HACE1: variants seen among roughly 807,000 people sequenced by gnomAD.
HACE1 encodes the protein HECT domain and ankyrin repeat containing E3 ubiquitin protein ligase 1.
A neutral mutation model predicts 118.4 loss-of-function variants in HACE1; 73 were observed. The ratio of observed to expected loss-of-function variants is 0.62; its 90% CI spans 0.51 to 0.75. The LOEUF is 0.75. HACE1 is among the 30% of genes least tolerant of loss of function. The probability of loss-of-function intolerance (pLI) is 0.00; values close to 1 mark genes in which losing one functional copy is unlikely to be tolerated. For synonymous variants in HACE1, 368 were observed against 374.8 expected (o/e 0.98, Z 0.21); for missense variants, 749 against 1,102.2 (o/e 0.68, Z 4.54).
intron 1 of HACE1, among the ~76,000 whole-genome samples, chr6:104,857,342 A>G (rs1053976379): frequency 6.6e-6 from 1 of 151,654 alleles, no homozygotes; most frequent in African/African-American, 2.4e-5. Context: ...AGAAAAGCAA[A>G]TGCAAACGAT....
chr6:104,797,136 A>C, intron 7 of HACE1, 111 bp from the exon 8 acceptor site: 1 of 709,532 alleles, frequency 1.4e-6, no homozygotes, highest in South Asian at 1.6e-5. Context: ...AAAAATTAAG[A>C]CAAGAGAATA....
intron 17 of HACE1, among the ~76,000 whole-genome samples, chr6:104,774,183 G>A (rs1355043425): frequency 4.6e-5 from 5 of 107,834 alleles, no homozygotes; most frequent in Admixed American, 2.0e-4. Flanking sequence ...TCCGCCTCCC[G>A]GGTTCACGCC....
At chr6:104,787,180 G>C (rs1582468595) in intron 11 of HACE1, 2 of 152,216 alleles carry the variant, frequency 1.3e-5, no homozygotes, top group East Asian at 3.9e-4. Context: ...CAAAAACCTA[G>C]TTCACTCACT....
chr6:104,765,238 G>C (rs1779859189), intron 19 of HACE1, among the ~76,000 whole-genome samples: 1 of 152,146 alleles, frequency 6.6e-6, no homozygotes, highest in African/African-American at 2.4e-5. Flanking sequence ...ACAAGCCACT[G>C]GTATAAAATA....
intron 5 of HACE1, among the ~76,000 whole-genome samples, chr6:104,842,524 C>A (rs1388479367): frequency 6.6e-6 from 1 of 151,966 alleles, no homozygotes; most frequent in Non-Finnish European, 1.5e-5. Flanking sequence ...CCCTCTGTTA[C>A]CTTTTTTATT....
chr6:104,857,278 G>A (rs1776820930), intron 1 of HACE1, among the ~76,000 whole-genome samples: 2 of 150,638 alleles, frequency 1.3e-5, no homozygotes, highest in African/African-American at 4.9e-5. Context: ...ACTCATCAGA[G>A]CTTAGAGACA....
intron 7 of HACE1, among the ~76,000 whole-genome samples, chr6:104,810,221 T>C (rs939926558): frequency 6.6e-6 from 1 of 152,056 alleles, no homozygotes; most frequent in East Asian, 1.9e-4. Flanking sequence ...ATAAATATAA[T>C]GCAAGAAAAT....
chr6:104,798,110 A>T (rs891157591), intron 7 of HACE1, among the ~76,000 whole-genome samples: 1 of 151,918 alleles, frequency 6.6e-6, no homozygotes, highest in Non-Finnish European at 1.5e-5. Flanking sequence ...AGAGAAGAAA[A>T]GAAATGCCCA....
chr6:104,794,924 A>G (rs538008815), intron 10 of HACE1, among the ~76,000 whole-genome samples: 7 of 151,130 alleles, frequency 4.6e-5, no homozygotes, highest in African/African-American at 7.3e-5. Flanking sequence ...AATTGTATAT[A>G]TGTGTGTGTG....
intron 6 of HACE1, among the ~76,000 whole-genome samples, chr6:104,813,150 G>A (rs1457901514): frequency 7.2e-6 from 1 of 138,296 alleles, no homozygotes; most frequent in East Asian, 2.2e-4. Context: ...ACTTGCATCA[G>A]AAAAGAATCT....
intron 22 of HACE1, among the ~76,000 whole-genome samples, chr6:104,738,102 A>T (rs1486022710): frequency 6.6e-6 from 1 of 151,762 alleles, no homozygotes; most frequent in Non-Finnish European, 1.5e-5. Flanking sequence ...CCTGCAGCTG[A>T]GGGTCCTGTC....
At chr6:104,821,554 CCAGA>C (rs935176138) in intron 6 of HACE1, among the ~76,000 whole-genome samples, 2 of 151,874 alleles carry the variant, frequency 1.3e-5, no homozygotes, top group East Asian at 1.9e-4. Context: ...TAATATGTAC[CCAGA>C]CAGTGTGCTA....
intron 22 of HACE1, among the ~76,000 whole-genome samples, chr6:104,739,864 A>G (rs1776424994): frequency 1.3e-5 from 2 of 151,958 alleles, no homozygotes. Context: ...CAGAATATAC[A>G]TTTTTTTCAG....
At chr6:104,814,085 G>C (rs1582608254) in intron 6 of HACE1, among the ~76,000 whole-genome samples, 1 of 137,292 alleles carries the variant, frequency 7.3e-6, no homozygotes, top group African/African-American at 2.9e-5. Flanking sequence ...GAAAATTTGT[G>C]AATCAATCAA....
chr6:104,841,779 C>G (rs1482765342), intron 5 of HACE1, among the ~76,000 whole-genome samples: 1 of 151,906 alleles, frequency 6.6e-6, no homozygotes, highest in Non-Finnish European at 1.5e-5. Flanking sequence ...ATAAATAAAA[C>G]TTAACATTTT....
intron 7 of HACE1, among the ~76,000 whole-genome samples, chr6:104,799,279 TATA>T (rs1325488497): frequency 6.6e-6 from 1 of 152,196 alleles, no homozygotes; most frequent in Non-Finnish European, 1.5e-5. Flanking sequence ...CTTGGGAGTA[TATA>T]TTTTGCAACA....
chr6:104,813,722 C>T lies in HACE1; in HGVS notation c.535-2329G>A, dbSNP rs1417774768. ...TCATGTACACAACGCTTCCAGCCAA[C>T]ATTTGAGTGCCTCACCATTACACAT... On this transcript the variant is annotated intron_variant, in intron 6 of 23. Coordinates refer to ENST00000262903, the MANE Select transcript of HACE1 (RefSeq NM_020771.4). Among the ~76,000 whole-genome samples the T allele has an allele frequency of 1.4e-5, 2 of 138,292 alleles. 1 individual carries two copies. The highest frequency in any genetic ancestry group is 3.1e-5 in the Non-Finnish European group (2 of 64,370). The allele number at this position is 138,292 out of a possible 152,430, so 90.7% of individuals were successfully genotyped here.
At chr6:104,796,798 C>T (rs746316020) in intron 8 of HACE1, 42 bp from the exon 9 acceptor site, 19 of 1,220,036 alleles carry the variant, frequency 1.6e-5, no homozygotes, top group Non-Finnish European at 1.9e-5. Context: ...AAAAACAGTC[C>T]CTTTTAAAGT....
intron 10 of HACE1, among the ~76,000 whole-genome samples, chr6:104,794,670 G>A (rs12660579): frequency 0.24 from 36,905 of 152,208 alleles, 4,809 homozygotes; most frequent in African/African-American, 0.34. Context: ...TTGGGAGGCC[G>A]AGATGAGCGG....
Sources: gnomAD v4.1 joint callset for allele counts (sites outside exome capture counted in the v4.1 genomes callset) on GRCh38, gnomAD v4.1.1 for gene constraint, MANE v1.5 for transcripts, NCBI Gene and HGNC (gene_info 2026-07-23, HGNC 2026-07-21) for gene names.